Variants in NIBAN1 observed in about 807,000 individuals in gnomAD.
NIBAN1 encodes the protein protein Niban 1.
NIBAN1 carries 81 observed loss-of-function variants against 75.1 expected under a neutral mutation model. The ratio of observed to expected loss-of-function variants is 1.08; its 90% CI spans 0.90 to 1.30. NIBAN1 has a LOEUF of 1.30. Ranked by LOEUF, NIBAN1 falls within the 50% of genes most tolerant of loss-of-function variation. NIBAN1 has a pLI of 0.00. For synonymous variants in NIBAN1, 436 were observed against 424.8 expected, an observed-to-expected ratio of 1.03 and a Z score of -0.32; for missense variants, 1,133 against 1,128.1, an observed-to-expected ratio of 1.00 and a Z score of -0.06.
At chr1:184,897,409 T>C (rs1656829338) in intron 2 of NIBAN1, among the ~76,000 whole-genome samples, 1 of 151,958 alleles carries the variant, frequency 6.6e-6, no homozygotes, top group Admixed American at 6.6e-5. Flanking sequence ...GCTTTTCTGA[T>C]TTTTCTCCTA....
intron 1 of NIBAN1, among the ~76,000 whole-genome samples, chr1:184,959,000 A>C (rs1322778011): frequency 6.6e-6 from 1 of 152,278 alleles, no homozygotes; most frequent in Non-Finnish European, 1.5e-5. Context: ...AAACAAACGC[A>C]TTCAATCCAA....
chr1:184,878,459 A>G (rs1210740687), intron 5 of NIBAN1, among the ~76,000 whole-genome samples: 1 of 152,230 alleles, frequency 6.6e-6, no homozygotes, highest in Non-Finnish European at 1.5e-5. Context: ...TGCATTTTAA[A>G]CTACACTAAA....
At chr1:184,809,218 A>G (rs1654296523) in intron 9 of NIBAN1, among the ~76,000 whole-genome samples, 1 of 152,216 alleles carries the variant, frequency 6.6e-6, no homozygotes, top group South Asian at 2.1e-4. Flanking sequence ...TAAAGGGAAA[A>G]TACTGCTCCC....
At chr1:184,905,244 G>A (rs562552253) in intron 1 of NIBAN1, among the ~76,000 whole-genome samples, 1 of 152,168 alleles carries the variant, frequency 6.6e-6, no homozygotes, top group Admixed American at 6.5e-5. Context: ...TTACAAAAAG[G>A]CCCAGATGTT....
intron 1 of NIBAN1, among the ~76,000 whole-genome samples, chr1:184,947,373 T>C (rs1185017336): frequency 6.6e-6 from 1 of 152,146 alleles, no homozygotes; most frequent in African/African-American, 2.4e-5. Flanking sequence ...AAATAGAGGT[T>C]ACCAGGGTCT....
intron 12 of NIBAN1, 47 bp from the exon 13 acceptor site, chr1:184,798,237 C>T (rs1653931697): frequency 2.4e-6 from 3 of 1,244,102 alleles, no homozygotes; most frequent in Admixed American, 1.8e-5. Flanking sequence ...GCATGAGATG[C>T]CTGTTCTTAG....
chr1:184,866,708 A>G (rs991180108), intron 5 of NIBAN1, among the ~76,000 whole-genome samples: 2 of 152,194 alleles, frequency 1.3e-5, no homozygotes, highest in African/African-American at 4.8e-5. Context: ...CAAATATGGA[A>G]CTAGAAATCA....
intron 5 of NIBAN1, among the ~76,000 whole-genome samples, chr1:184,875,268 T>A (rs987397249): frequency 3.9e-5 from 6 of 152,186 alleles, no homozygotes; most frequent in African/African-American, 1.4e-4. Context: ...CTAAAGTTAG[T>A]GGCTTGAAAC....
intron 5 of NIBAN1, among the ~76,000 whole-genome samples, chr1:184,878,885 A>G (rs1307209770): frequency 6.6e-6 from 1 of 152,206 alleles, no homozygotes; most frequent in African/African-American, 2.4e-5. Flanking sequence ...ATAGGTGACC[A>G]TGAAAGTCCC....
chr1:184,948,964 C>A (rs899597050), intron 1 of NIBAN1, among the ~76,000 whole-genome samples: 1 of 152,202 alleles, frequency 6.6e-6, no homozygotes, highest in South Asian at 2.1e-4. Context: ...AGAATTGTTA[C>A]TTAAAATATT....
At chr1:184,935,452 G>C (rs934221043) in intron 1 of NIBAN1, among the ~76,000 whole-genome samples, 1 of 152,128 alleles carries the variant, frequency 6.6e-6, no homozygotes, top group Admixed American at 6.5e-5. Flanking sequence ...AGGCTGCAGT[G>C]GGCCATGATT....
At chr1:184,904,671 T>C (rs1316056343) in intron 1 of NIBAN1, among the ~76,000 whole-genome samples, 1 of 152,156 alleles carries the variant, frequency 6.6e-6, no homozygotes, top group Non-Finnish European at 1.5e-5. Flanking sequence ...AAAAGTCTCT[T>C]GGGCTGGGCG....
chr1:184,899,730 G>T (rs545776649), intron 1 of NIBAN1, among the ~76,000 whole-genome samples: 7 of 149,828 alleles, frequency 4.7e-5, no homozygotes, highest in African/African-American at 1.7e-4. Context: ...TATTCTCCTC[G>T]ACCTCCAGTC....
chr1:184,801,202 A>G (rs530461336), intron 12 of NIBAN1, among the ~76,000 whole-genome samples: 1 of 152,292 alleles, frequency 6.6e-6, no homozygotes, highest in South Asian at 2.1e-4. Flanking sequence ...GATCAGAAGC[A>G]CCACCTCAGA....
Position 184,823,723 on chromosome 1 carries a change from A to T in NIBAN1, c.737T>A (p.Met246Lys). The T allele has an allele frequency of 1.9e-6, 3 of 1,614,134 alleles. No homozygotes were observed. Among genetic ancestry groups the T allele is most frequent in the Non-Finnish European group, 2.5e-6 (3 of 1,179,978 alleles). Reference sequence around the variant, plus strand: ...CTGAAGAGTGGGCAGGAGCTCCTCCATCACCAGGTTACTCAGGATCTGCGC... The same window carrying T: ...CTGAAGAGTGGGCAGGAGCTCCTCCTTCACCAGGTTACTCAGGATCTGCGC... ...DEIQILSNLV[M>K]EELLPTLQTD... Residue 246 changes from methionine to lysine, a missense_variant, in exon 7 of 14, where the codon ATG (methionine) becomes AAG (lysine). Coordinates refer to ENST00000367511, the MANE Select transcript of NIBAN1 (RefSeq NM_052966.4).
At chr1:184,815,399 C>T (rs1654498906) in intron 9 of NIBAN1, among the ~76,000 whole-genome samples, 1 of 152,164 alleles carries the variant, frequency 6.6e-6, no homozygotes, top group East Asian at 1.9e-4. Flanking sequence ...AATCTCACAA[C>T]TGAGAAGGGT....
chr1:184,919,144 ATATG>A (rs1375318049), intron 1 of NIBAN1, among the ~76,000 whole-genome samples: 1 of 152,188 alleles, frequency 6.6e-6, no homozygotes, highest in African/African-American at 2.4e-5. Flanking sequence ...TCCTAAAGTA[ATATG>A]TTTAGCTATG....
At chr1:184,807,468 A>G (rs1398547449) in intron 10 of NIBAN1, among the ~76,000 whole-genome samples, 1 of 152,182 alleles carries the variant, frequency 6.6e-6, no homozygotes, top group African/African-American at 2.4e-5. Flanking sequence ...AACAGTAGGA[A>G]TCAGGGTAGG....
At position 184,845,713 on chromosome 1, in the gene NIBAN1, C is replaced by T. The variant is rs577969528; in HGVS notation, c.602-13751G>A. 4.0e-4 allele frequency among the ~76,000 whole-genome samples: 25 copies of T among 62,974 alleles called. 5 individuals carry two copies. Among genetic ancestry groups the T allele is most frequent in the Middle Eastern group, 0.018 (2 of 110 alleles). The allele number at this position is 62,974 out of a possible 152,430, so 41.3% of individuals were successfully genotyped here. A position where few individuals can be genotyped will look rare whatever the true frequency, so the allele number is the denominator to read the frequency against. On this transcript the variant is annotated intron_variant, in intron 5 of 13. Transcript: ENST00000367511. ...ATTTCTGCATTTCCATCTGAGGTACCGGGTTCATCTCACTAGGGAGTGCCA... is the reference window on the plus strand; with the variant it reads ...ATTTCTGCATTTCCATCTGAGGTACTGGGTTCATCTCACTAGGGAGTGCCA...
Sources: gnomAD v4.1 joint callset for allele counts (sites outside exome capture counted in the v4.1 genomes callset) on GRCh38, gnomAD v4.1.1 for gene constraint, MANE v1.5 for transcripts, NCBI Gene and HGNC (gene_info 2026-07-23, HGNC 2026-07-21) for gene names.